Variants in SLC15A5 observed in about 807,000 individuals in gnomAD.
The protein encoded by SLC15A5 is solute carrier family 15 member 5.
Under a neutral mutation model 56.1 loss-of-function variants are expected in SLC15A5, and 58 were observed. That is an observed-to-expected ratio of 1.03 (90% CI 0.84 to 1.29). The LOEUF is 1.29. Among genes scored for constraint, SLC15A5 ranks in the 50% most tolerant of loss-of-function variants. SLC15A5 has a pLI of 0.00. For missense variants in SLC15A5, 681 were observed against 672.1 expected (o/e 1.01, Z -0.15); for synonymous variants, 264 against 250.5 (o/e 1.05, Z -0.51).
At chr12:16,259,904 G>GGT (rs1555173562) in intron 2 of SLC15A5, among the ~76,000 whole-genome samples, 27 of 151,794 alleles carry the variant, frequency 1.8e-4, no homozygotes, top group African/African-American at 6.0e-4. Flanking sequence ...ACCCGGGCGG[G>GGT]GGGTAAGTTA....
intron 6 of SLC15A5, among the ~76,000 whole-genome samples, chr12:16,222,458 T>C (rs1864197476): frequency 2.1e-5 from 3 of 145,730 alleles, no homozygotes; most frequent in Admixed American, 2.0e-4. Context: ...CTATCAATGC[T>C]GTGATATAAA....
At chr12:16,240,725 A>C (rs148624944) in intron 4 of SLC15A5, among the ~76,000 whole-genome samples, 1 of 152,208 alleles carries the variant, frequency 6.6e-6, no homozygotes, top group Admixed American at 6.5e-5. Context: ...TATCAGAACC[A>C]AGGGATGATG....
chr12:16,199,267 C>T (rs1863926849), intron 7 of SLC15A5, among the ~76,000 whole-genome samples: 1 of 125,730 alleles, frequency 8.0e-6, no homozygotes, highest in Non-Finnish European at 1.6e-5. Context: ...GTGTATGTGA[C>T]TAATAAACTG....
At chr12:16,268,525 T>C (rs982597399) in intron 2 of SLC15A5, among the ~76,000 whole-genome samples, 2 of 152,228 alleles carry the variant, frequency 1.3e-5, no homozygotes, top group Non-Finnish European at 2.9e-5. Context: ...TGAACTGCTT[T>C]GATTTTGTTT....
At chr12:16,207,053 A>G (rs953955303) in intron 7 of SLC15A5, among the ~76,000 whole-genome samples, 3 of 152,184 alleles carry the variant, frequency 2.0e-5, no homozygotes, top group Non-Finnish European at 2.9e-5. Context: ...GCCATTAGCT[A>G]TGAACTGTAA....
At chr12:16,256,092 T>C (rs930260967) in intron 3 of SLC15A5, among the ~76,000 whole-genome samples, 8 of 152,216 alleles carry the variant, frequency 5.3e-5, no homozygotes, top group African/African-American at 1.9e-4. Context: ...AATCATAGTT[T>C]TTTTAAAGAA....
chr12:16,200,706 T>C (rs1863946661), intron 7 of SLC15A5, among the ~76,000 whole-genome samples: 1 of 152,014 alleles, frequency 6.6e-6, no homozygotes, highest in Admixed American at 6.6e-5. Flanking sequence ...ATGAAGAGAA[T>C]GAGGAAATTG....
chr12:16,227,889 T>C (rs187083719), intron 5 of SLC15A5, among the ~76,000 whole-genome samples: 22 of 152,168 alleles, frequency 1.4e-4, no homozygotes, highest in Admixed American at 1.4e-3. Context: ...TGGTAACGTA[T>C]AATGGGGGCT....
intron 3 of SLC15A5, among the ~76,000 whole-genome samples, chr12:16,255,630 G>A (rs1864563475): frequency 1.3e-5 from 2 of 151,898 alleles, no homozygotes; most frequent in South Asian, 2.1e-4. Flanking sequence ...AAAAAGAAAA[G>A]CAAAGAGAAA....
In SLC15A5 at chr12:16,235,300, A is replaced by C. The variant is rs958927684; in HGVS notation, c.1162+4381T>G. Among the ~76,000 whole-genome samples, 1 of 148,808 alleles carries C rather than the reference A, an allele frequency of 6.7e-6. No individual in the cohort carries two copies. The highest frequency in any genetic ancestry group is 2.4e-5 in the African/African-American group (1 of 40,860). Reference sequence around the variant, plus strand: ...TATATATGTATATATGTATATGTATATGTATATATATGTATATATGTATAT... The same window carrying C: ...TATATATGTATATATGTATATGTATCTGTATATATATGTATATATGTATAT... On this transcript the variant is annotated intron_variant, in intron 5 of 8. Coordinates refer to ENST00000344941, the MANE Select transcript of SLC15A5 (RefSeq NM_001170798.1). This position sits in a 1 kb window ranked among gnomAD's most constrained non-coding sequence, Gnocchi z 4.1.
intron 3 of SLC15A5, among the ~76,000 whole-genome samples, chr12:16,250,409 T>C (rs1425497584): frequency 6.6e-6 from 1 of 151,992 alleles, no homozygotes; most frequent in Non-Finnish European, 1.5e-5. Context: ...ATGATAAAAA[T>C]AAAATAACAT....
chr12:16,246,214 CTA>C (rs2136792308), intron 3 of SLC15A5, among the ~76,000 whole-genome samples: 1 of 152,258 alleles, frequency 6.6e-6, no homozygotes, highest in South Asian at 2.1e-4. Context: ...TTCTTAGTCA[CTA>C]TTGCCTGAAG....
intron 6 of SLC15A5, among the ~76,000 whole-genome samples, chr12:16,220,907 A>T (rs1864180890): frequency 2.6e-5 from 4 of 152,292 alleles, no homozygotes; most frequent in Admixed American, 2.0e-4. Context: ...GAATAAACAA[A>T]CATAGGGTAT....
At chr12:16,207,367 C>G (rs1019236843) in intron 7 of SLC15A5, among the ~76,000 whole-genome samples, 1 of 152,114 alleles carries the variant, frequency 6.6e-6, no homozygotes, top group Non-Finnish European at 1.5e-5. Context: ...CTACTAATAG[C>G]GTAGATATAA....
chr12:16,221,942 G>A (rs1488474108), intron 6 of SLC15A5, among the ~76,000 whole-genome samples: 3 of 152,098 alleles, frequency 2.0e-5, no homozygotes, highest in African/African-American at 7.2e-5. Context: ...ATGCTTCCAG[G>A]TCTCCCAGCT....
chr12:16,257,870 CCT>C lies in SLC15A5; in HGVS notation c.585-2_585-1del. 2 of 1,479,322 alleles carry C rather than the reference CCT, an allele frequency of 1.4e-6. No individual in the cohort carries two copies. Among genetic ancestry groups the C allele is most frequent in the South Asian group, 2.8e-5 (2 of 72,626 alleles). The allele number at this position is 1,479,322 out of a possible 1,614,324, so 91.6% of individuals were successfully genotyped here. On this transcript the variant is annotated splice_acceptor_variant, in intron 2 of 8. Coordinates refer to ENST00000344941, the MANE Select transcript of SLC15A5 (RefSeq NM_001170798.1). LOFTEE classifies it high-confidence loss of function. ...CATTTAGGTTCATGAGCCAATAAAACCTGGGGTATACAGACAGACAAAAATAA... is the reference window on the plus strand; with the variant it reads ...CATTTAGGTTCATGAGCCAATAAAACGGGGTATACAGACAGACAAAAATAA...
intron 5 of SLC15A5, among the ~76,000 whole-genome samples, chr12:16,234,401 T>G (rs1864327601): frequency 6.6e-6 from 1 of 152,230 alleles, no homozygotes; most frequent in Non-Finnish European, 1.5e-5. Flanking sequence ...TATGTTTGCT[T>G]CTTATTTGCT....
intron 3 of SLC15A5, among the ~76,000 whole-genome samples, chr12:16,246,858 T>C (rs185626617): frequency 6.6e-6 from 1 of 152,244 alleles, no homozygotes; most frequent in East Asian, 1.9e-4. Flanking sequence ...ATTTTATTTC[T>C]AATGAGAGGT....
chr12:16,272,531 C>T, intron 2 of SLC15A5, 30 bp downstream of exon 2: 1 of 1,526,868 alleles, frequency 6.5e-7, no homozygotes, highest in Non-Finnish European at 8.8e-7. Flanking sequence ...GGTCATAAGC[C>T]TCTTTTCTCT....
Sources: allele counts gnomAD v4.1 joint callset (sites outside exome capture counted in the v4.1 genomes callset), GRCh38; gene constraint gnomAD v4.1.1; non-coding constraint Gnocchi (gnomAD v3.1); transcripts MANE v1.5; gene names NCBI Gene and HGNC (gene_info 2026-07-23, HGNC 2026-07-21).